The following PCDHAC1 variants were observed in gnomAD, a reference collection of about 807,000 sequenced individuals.
PCDHAC1 encodes protocadherin alpha-C1.
In PCDHAC1, 42 loss-of-function variants were observed where a neutral mutation model predicts 60.0. That is an observed-to-expected ratio of 0.70 (90% CI 0.55 to 0.90). PCDHAC1 has a LOEUF of 0.90. Among genes scored for constraint, PCDHAC1 ranks in the 40% least tolerant of loss-of-function variants. The pLI is 0.00. For missense variants in PCDHAC1, 1,160 were observed against 1,222.3 expected, an observed-to-expected ratio of 0.95 and a Z score of 0.76; for synonymous variants, 468 against 499.3, an observed-to-expected ratio of 0.94 and a Z score of 0.84.
intron 3 of PCDHAC1, among the ~76,000 whole-genome samples, chr5:140,988,254 T>G (rs910037234): frequency 6.6e-6 from 1 of 152,188 alleles, no homozygotes; most frequent in East Asian, 1.9e-4. Context: ...AGCTCCCGCC[T>G]GTGAGTATCC....
At chr5:140,949,694 G>C (rs1447787366) in intron 1 of PCDHAC1, among the ~76,000 whole-genome samples, 1 of 151,590 alleles carries the variant, frequency 6.6e-6, no homozygotes, top group Non-Finnish European at 1.5e-5. Context: ...CGTATTGTTG[G>C]ATCTTGCTGT....
intron 1 of PCDHAC1, among the ~76,000 whole-genome samples, chr5:140,935,712 T>C (rs1480290454): frequency 1.3e-5 from 2 of 152,138 alleles, no homozygotes; most frequent in African/African-American, 4.8e-5. Context: ...TAAAACAAAA[T>C]ATATTTAGAG....
chr5:140,965,374 G>A (rs1554227648), intron 1 of PCDHAC1, among the ~76,000 whole-genome samples: 1 of 152,098 alleles, frequency 6.6e-6, no homozygotes, highest in Admixed American at 6.6e-5. Flanking sequence ...AGGAAACTTG[G>A]GGACACAGAA....
At chr5:140,966,998 C>A in intron 1 of PCDHAC1, 1 of 1,604,774 alleles carries the variant, frequency 6.2e-7, no homozygotes, top group Non-Finnish European at 8.5e-7. Flanking sequence ...GGGTTGCTTG[C>A]GCATCAACCA....
intron 3 of PCDHAC1, among the ~76,000 whole-genome samples, chr5:141,003,690 T>C (rs1441506131): frequency 2.0e-5 from 3 of 152,232 alleles, no homozygotes; most frequent in African/African-American, 7.2e-5. Flanking sequence ...TTTTAAAATA[T>C]ATCCCTACCA....
intron 1 of PCDHAC1, among the ~76,000 whole-genome samples, chr5:140,978,243 C>T (rs2096793691): frequency 6.6e-6 from 1 of 152,170 alleles, no homozygotes; most frequent in South Asian, 2.1e-4. Context: ...ATTTCAGCTA[C>T]TCCCTGTTAA....
chr5:140,996,678 G>T (rs922990686), intron 3 of PCDHAC1, among the ~76,000 whole-genome samples: 28 of 152,162 alleles, frequency 1.8e-4, no homozygotes, highest in African/African-American at 6.7e-4. Context: ...AACCATGTTG[G>T]GCTAGTATTC....
chr5:140,936,771 C>G (rs182480245), intron 1 of PCDHAC1, among the ~76,000 whole-genome samples: 2 of 152,230 alleles, frequency 1.3e-5, no homozygotes, highest in South Asian at 4.1e-4. Flanking sequence ...TGTGTAAGTT[C>G]TCTCACTTTG....
chr5:140,944,857 A>G (rs1288221644), intron 1 of PCDHAC1, among the ~76,000 whole-genome samples: 1 of 152,078 alleles, frequency 6.6e-6, no homozygotes, highest in Non-Finnish European at 1.5e-5. Context: ...AATCATCCTT[A>G]TTTATCTTAA....
intron 1 of PCDHAC1, chr5:140,969,617 A>G (rs2096348108): frequency 4.3e-6 from 3 of 705,552 alleles, no homozygotes; most frequent in Non-Finnish European, 6.8e-6. Context: ...ACAGATTTGT[A>G]GAGAAACAGG....
In PCDHAC1 at chr5:141,009,724, T is replaced by A. The variant is rs1554262325; in HGVS notation, c.2679T>A (p.Gly893=). The change falls in exon 4 of 4, where the codon GGT becomes GGA. Residue 893 remains glycine (G), a synonymous_variant. Transcript: ENST00000253807. ...KYGPGNPKQS[G]PGELPDKFII... is the part of the protein sequence containing the mutation. ...GACCAGGCAACCCCAAACAATCCGG[T>A]CCCGGTGAGTTGCCCGACAAATTCA... 6.2e-7 allele frequency: 1 copy of A among 1,614,116 alleles called. No individual in the cohort carries two copies. The highest frequency in any genetic ancestry group is 2.2e-5 in the East Asian group (1 of 44,868).
chr5:140,926,611 A>G lies in PCDHAC1; in HGVS notation c.-282A>G. The G allele has an allele frequency of 2.9e-6, 1 of 348,974 alleles. No homozygotes were observed. The highest frequency in any genetic ancestry group is 5.1e-6 in the Non-Finnish European group (1 of 197,458). The allele number at this position is 348,974 out of a possible 1,614,324, so 21.6% of individuals were successfully genotyped here. A position where few individuals can be genotyped will look rare whatever the true frequency, so the allele number is the denominator to read the frequency against. ...CCCGGGCGGGCGGCCTCGTCTCTGC[A>G]CCCCTAGGCGGCGCTGCGCTCCTCA... On this transcript the variant is annotated 5_prime_UTR_variant, in exon 1 of 4. Transcript: ENST00000253807.
intron 3 of PCDHAC1, among the ~76,000 whole-genome samples, chr5:140,985,205 G>C (rs1554246849): frequency 6.6e-6 from 1 of 152,092 alleles, no homozygotes; most frequent in African/African-American, 2.4e-5. Flanking sequence ...CCAAAGTGTT[G>C]GGATTACAGG....
At chr5:140,982,453 C>T (rs1554244194) in intron 2 of PCDHAC1, 22 bp from the exon 3 acceptor site, 5 of 1,613,812 alleles carry the variant, frequency 3.1e-6, no homozygotes, top group African/African-American at 1.3e-5. Context: ...TAACCGTTAT[C>T]TGGGTCTGTG....
chr5:141,007,393 T>C (rs1485010105), intron 3 of PCDHAC1, among the ~76,000 whole-genome samples: 2 of 23,410 alleles, frequency 8.5e-5, no homozygotes, highest in African/African-American at 2.3e-4. Context: ...TCTACTAAAA[T>C]ACAAAAAAAA....
At position 140,927,481 on chromosome 5, in the gene PCDHAC1, G is replaced by T; in HGVS notation, c.589G>T (p.Ala197Ser). Residue 197 changes from alanine (A) to serine (S), a missense_variant, in exon 1 of 4, where the codon GCC (alanine) becomes TCC (serine). Physicochemically the swap from Ala to Ser is moderately conservative, Grantham distance 99. Coordinates refer to ENST00000253807, the MANE Select transcript of PCDHAC1 (RefSeq NM_018898.5). ...LEKALDREQR[A>S]THLLVLTARD... The stretch of plus-strand genomic sequence containing the variant: ...GAAAGCACTGGATCGCGAACAGCGC[G>T]CCACCCACCTGCTGGTGCTTACAGC... The T allele has an allele frequency of 6.2e-7, 1 of 1,614,072 alleles. No individual in the cohort carries two copies. Among genetic ancestry groups the T allele is most frequent in the Non-Finnish European group, 8.5e-7 (1 of 1,180,030 alleles).
At chr5:140,975,365 A>G (rs186836387) in intron 1 of PCDHAC1, among the ~76,000 whole-genome samples, 5 of 152,370 alleles carry the variant, frequency 3.3e-5, no homozygotes, top group Admixed American at 2.0e-4. Context: ...GCTACATAGC[A>G]TAATGTAATC....
intron 1 of PCDHAC1, chr5:140,967,556 G>A (rs1586226034): frequency 6.2e-7 from 1 of 1,614,030 alleles, no homozygotes; most frequent in East Asian, 2.2e-5. Context: ...CACTTATCGC[G>A]TCCAGCTACG....
At chr5:141,008,712 T>G (rs1554261909) in intron 3 of PCDHAC1, among the ~76,000 whole-genome samples, 1 of 152,210 alleles carries the variant, frequency 6.6e-6, no homozygotes, top group Non-Finnish European at 1.5e-5. Flanking sequence ...TCTAGTTGCT[T>G]GAGTGTATGT....
Sources: gnomAD v4.1 joint callset for allele counts (sites outside exome capture counted in the v4.1 genomes callset) on GRCh38, gnomAD v4.1.1 for gene constraint, MANE v1.5 for transcripts, NCBI Gene and HGNC (gene_info 2026-07-23, HGNC 2026-07-21) for gene names.